Variants in DLGAP2 observed in about 807,000 individuals in gnomAD.
DLGAP2 encodes disks large-associated protein 2.
In DLGAP2, 26 loss-of-function variants were observed where a neutral mutation model predicts 100.3. That is an observed-to-expected ratio of 0.26 (90% confidence interval 0.19 to 0.36). The LOEUF (loss-of-function observed/expected upper bound fraction) is 0.36. DLGAP2 is among the 10% of genes least tolerant of loss of function. The probability of loss-of-function intolerance (pLI) is 1.00; values close to 1 mark genes in which losing one functional copy is unlikely to be tolerated. For synonymous variants in DLGAP2, 886 were observed against 630.1 expected (o/e 1.41, Z -6.08); for missense variants, 1,858 against 1,453.2 (o/e 1.28, Z -4.53).
At chr8:1,661,843 A>C (rs186166073) in intron 8 of DLGAP2, among the ~76,000 whole-genome samples, 4 of 152,362 alleles carry the variant, frequency 2.6e-5, no homozygotes, top group Admixed American at 2.6e-4. Context: ...CATCCGCCCT[A>C]TGGGACAATT....
intron 4 of DLGAP2, among the ~76,000 whole-genome samples, chr8:1,515,887 G>A (rs768692327): frequency 6.6e-6 from 1 of 152,218 alleles, no homozygotes; most frequent in African/African-American, 2.4e-5. Flanking sequence ...TCTCACAGAG[G>A]GATGGGCTTA....
In DLGAP2 at chr8:1,055,724, C is replaced by T. The variant is rs576457668; in HGVS notation, c.73+147758C>T. On this transcript the variant is annotated intron_variant, in intron 2 of 14. Transcript: ENST00000637795. ...AGCTGCATCCCCTGCCATAATAGCC[C>T]GGGAATCGGCAGCCAGCACCGTTGC... 9.1e-4 allele frequency among the ~76,000 whole-genome samples: 139 copies of T among 152,300 alleles called. 1 individual carries two copies. The highest frequency in any genetic ancestry group is 3.1e-3 in the African/African-American group (128 of 41,564).
At position 1,359,688 on chromosome 8, in the gene DLGAP2, T is replaced by C. The variant is rs527365707; in HGVS notation, c.106+100805T>C. Among the ~76,000 whole-genome samples the C allele has an allele frequency of 6.2e-4, 94 of 152,334 alleles. 1 individual carries two copies. The highest frequency in any genetic ancestry group is 4.8e-3 in the East Asian group (25 of 5,164). On this transcript the variant is annotated intron_variant, in intron 3 of 14. Coordinates refer to ENST00000637795, the MANE Select transcript of DLGAP2 (RefSeq NM_001346810.2). Reference sequence around the variant, plus strand: ...TAGCCATCCCCTCCCAATCCCACGGTAGACGCTGGCCTCAGCTCTTATAAA... The same window carrying C: ...TAGCCATCCCCTCCCAATCCCACGGCAGACGCTGGCCTCAGCTCTTATAAA...
intron 3 of DLGAP2, among the ~76,000 whole-genome samples, chr8:1,388,811 G>C (rs879094789): frequency 2.8e-4 from 36 of 126,328 alleles, no homozygotes; most frequent in African/African-American, 1.1e-3. Flanking sequence ...GAGAGGCAGA[G>C]GCCGTGGATG....
At chr8:1,643,160 T>C (rs1340123029) in intron 8 of DLGAP2, among the ~76,000 whole-genome samples, 1 of 31,056 alleles carries the variant, frequency 3.2e-5, no homozygotes, top group Non-Finnish European at 4.9e-5. Context: ...CCGCCGGCCC[T>C]CACCTGTGTC....
At chr8:1,625,013 C>T (rs1054365237) in intron 6 of DLGAP2, among the ~76,000 whole-genome samples, 1 of 152,142 alleles carries the variant, frequency 6.6e-6, no homozygotes, top group Non-Finnish European at 1.5e-5. Flanking sequence ...ATAAGCTTCA[C>T]TTAATAAGAA....
At chr8:1,644,856 T>G (rs917463182) in intron 8 of DLGAP2, among the ~76,000 whole-genome samples, 2 of 152,232 alleles carry the variant, frequency 1.3e-5, no homozygotes, top group African/African-American at 4.8e-5. Context: ...AAAAACAAAT[T>G]ATTTAGATTC....
intron 1 of DLGAP2, among the ~76,000 whole-genome samples, chr8:776,342 C>G (rs1563425877): frequency 6.6e-6 from 1 of 151,960 alleles, no homozygotes; most frequent in Non-Finnish European, 1.5e-5. Flanking sequence ...TTTTGTGTCT[C>G]TATTTCCTTC....
rs560880354 is a variant in DLGAP2 at position 1,512,626 on chromosome 8, A to G, written c.172+11195A>G. On this transcript the variant is annotated intron_variant, in intron 4 of 14. Coordinates refer to ENST00000637795, the MANE Select transcript of DLGAP2 (RefSeq NM_001346810.2). ...GCACTGAGGCTGTCTGTTAAAAGCA[A>G]ACAACATGGCAGTTGTTTTAGCCAA... Among the ~76,000 whole-genome samples, 5 of 152,154 alleles carry G rather than the reference A, an allele frequency of 3.3e-5. No homozygotes were observed. In the East Asian group the frequency reaches 5.8e-4, roughly 18 times the overall value.
At chr8:1,474,175 C>G (rs910912093) in intron 3 of DLGAP2, among the ~76,000 whole-genome samples, 1 of 152,132 alleles carries the variant, frequency 6.6e-6, no homozygotes, top group African/African-American at 2.4e-5. Flanking sequence ...GAATAATGGT[C>G]TCCAACTCCA....
At chr8:1,121,495 A>G (rs1442373494) in intron 2 of DLGAP2, among the ~76,000 whole-genome samples, 2 of 151,294 alleles carry the variant, frequency 1.3e-5, no homozygotes, top group Admixed American at 1.3e-4. Flanking sequence ...ATGACCTCCC[A>G]TCCTTGTTCC....
chr8:1,086,935 A>G (rs192461095), intron 2 of DLGAP2, among the ~76,000 whole-genome samples: 1 of 152,316 alleles, frequency 6.6e-6, no homozygotes, highest in East Asian at 1.9e-4. Context: ...ACATTGCCAA[A>G]AACAGCTAAA....
At chr8:1,225,391 A>G (rs1435836969) in intron 2 of DLGAP2, among the ~76,000 whole-genome samples, 2 of 152,246 alleles carry the variant, frequency 1.3e-5, no homozygotes, top group African/African-American at 4.8e-5. Flanking sequence ...ATCCACAGAT[A>G]CAGAACACCG....
chr8:886,058 A>G (rs1797915681), intron 1 of DLGAP2, among the ~76,000 whole-genome samples: 1 of 152,164 alleles, frequency 6.6e-6, no homozygotes, highest in African/African-American at 2.4e-5. Flanking sequence ...TAGGCTATTA[A>G]TTACTGCCTC....
intron 2 of DLGAP2, among the ~76,000 whole-genome samples, chr8:1,063,150 A>G (rs1218598722): frequency 6.6e-6 from 1 of 152,208 alleles, no homozygotes; most frequent in Non-Finnish European, 1.5e-5. Flanking sequence ...TAAAAAGAAA[A>G]GAGGGAAGAT....
At chr8:973,705 C>G (rs1800083545) in intron 2 of DLGAP2, among the ~76,000 whole-genome samples, 1 of 152,254 alleles carries the variant, frequency 6.6e-6, no homozygotes, top group South Asian at 2.1e-4. Flanking sequence ...TTCACGGTAC[C>G]TCAGTTGCTT....
chr8:870,481 C>A (rs1797576862), intron 1 of DLGAP2, among the ~76,000 whole-genome samples: 1 of 152,242 alleles, frequency 6.6e-6, no homozygotes, highest in Admixed American at 6.5e-5. Flanking sequence ...CTGGAGAATT[C>A]AAATTTCCTG....
In DLGAP2 at chr8:1,502,455, A is replaced by G. The variant is rs568577876; in HGVS notation, c.172+1024A>G. On this transcript the variant is annotated intron_variant, in intron 4 of 14. Coordinates refer to ENST00000637795, the MANE Select transcript of DLGAP2 (RefSeq NM_001346810.2). Reference sequence around the variant, plus strand: ...AGCCAAAAAGTGTTTGCTTTTCAATATAAGATGATGGAAATGGGTAGAGTT... The same window carrying G: ...AGCCAAAAAGTGTTTGCTTTTCAATGTAAGATGATGGAAATGGGTAGAGTT... 3.3e-5 allele frequency among the ~76,000 whole-genome samples: 5 copies of G among 152,360 alleles called. No homozygotes were observed. In the South Asian group the frequency reaches 1.0e-3, roughly 32 times the overall value.
intron 3 of DLGAP2, among the ~76,000 whole-genome samples, chr8:1,295,684 C>G (rs946730632): frequency 2.0e-5 from 3 of 152,182 alleles, no homozygotes; most frequent in African/African-American, 7.2e-5. Flanking sequence ...CCTTTAAAAA[C>G]AAATAGAAGA....
Sources: allele counts gnomAD v4.1 joint callset (sites outside exome capture counted in the v4.1 genomes callset), GRCh38; gene constraint gnomAD v4.1.1; transcripts MANE v1.5; gene names NCBI Gene and HGNC (gene_info 2026-07-23, HGNC 2026-07-21).